RADX: variants seen among roughly 807,000 people sequenced by gnomAD.
The protein encoded by RADX is RPA1 related single stranded DNA binding protein, X-linked, also known as RPA-related protein RADX.
A neutral mutation model predicts 61.6 loss-of-function variants in RADX; 36 were observed. The ratio of observed to expected loss-of-function variants is 0.58; its 90% CI spans 0.45 to 0.77. The LOEUF is 0.77. RADX is among the 30% of genes least tolerant of loss of function. The probability of loss-of-function intolerance (pLI) is 0.00; values close to 1 mark genes in which losing one functional copy is unlikely to be tolerated. For missense variants in RADX, 497 were observed against 651.1 expected (o/e 0.76, Z 2.58); for synonymous variants, 272 against 237.9 (o/e 1.14, Z -1.32).
chrX:106,615,990 C>T (rs1214909469), intron 1 of RADX, among the ~76,000 whole-genome samples: 1 of 111,144 alleles, frequency 9.0e-6, no homozygotes, highest in African/African-American at 3.3e-5. Context: ...AGTTGGAAAG[C>T]TTGCCCGTCT....
chrX:106,657,701 G>T (rs1354982068), intron 11 of RADX, among the ~76,000 whole-genome samples: 2 of 111,278 alleles, frequency 1.8e-5, no homozygotes. Context: ...GATAGACAGG[G>T]AAATGGCCAG....
intron 3 of RADX, among the ~76,000 whole-genome samples, chrX:106,631,829 AAAG>A (rs1199821671): frequency 2.8e-5 from 3 of 107,387 alleles, no homozygotes; most frequent in Non-Finnish European, 5.7e-5. Context: ...GAAAGAAAGA[AAAG>A]AAAGAAAGAA....
chrX:106,617,758 A>G (rs952570962), intron 1 of RADX, among the ~76,000 whole-genome samples: 1 of 111,804 alleles, frequency 8.9e-6, no homozygotes. Flanking sequence ...AGTGCCAGTC[A>G]GAAAAATAAC....
rs767201552 is a variant in RADX, at chrX:106,612,067, G to A, written c.-14G>A. 1.0e-5 allele frequency: 12 copies of A among 1,193,508 alleles called. No individual in the cohort carries two copies. Among genetic ancestry groups the A allele is most frequent in the Non-Finnish European group, 1.4e-5 (12 of 886,855 alleles). ...TAGCTTTTGGGAGTGAAGCGGGTAC[G>A]CAGTTATCCAACAATGTCTGGTGAG... On this transcript the variant is annotated 5_prime_UTR_variant, in exon 1 of 14. Coordinates refer to ENST00000372548, the MANE Select transcript of RADX (RefSeq NM_018015.6).
At position 106,640,630 on chromosome X, in the gene RADX, G is replaced by A. The variant is rs1381658400; in HGVS notation, c.1813G>A (p.Glu605Lys). Residue 605 changes from glutamate (E) to lysine (K), a missense_variant, in exon 10 of 14, where the codon GAG becomes AAG. This residue lies in a region of RADX where 267 missense variants were observed against 306.9 expected (regional missense o/e 0.87). Transcript: ENST00000372548. ...ERNGKRHQDD[E>K]PVNSQYFQTT... is the part of the protein sequence containing the mutation. ...AAATGGTAAACGGCATCAAGATGAT[G>A]AGCCTGTGAATTCTCAGTATTTCCA... 8.4e-7 allele frequency: 1 copy of A among 1,194,194 alleles called. No homozygotes were observed. The highest frequency in any genetic ancestry group is 1.8e-5 in the South Asian group (1 of 55,540).
chrX:106,670,621 A>C, intron 13 of RADX, among the ~76,000 whole-genome samples: 1 of 108,679 alleles, frequency 9.2e-6, no homozygotes. Flanking sequence ...TTCATGACAT[A>C]GCATTAATAA....
chrX:106,629,871 A>G (rs1027329550), intron 3 of RADX, among the ~76,000 whole-genome samples: 7 of 112,145 alleles, frequency 6.2e-5, no homozygotes, highest in Non-Finnish European at 1.1e-4. Flanking sequence ...TTCCTCAGCA[A>G]TGCAAAATTG....
chrX:106,645,803 T>C (rs1326347416), intron 10 of RADX, among the ~76,000 whole-genome samples: 1 of 111,304 alleles, frequency 9.0e-6, no homozygotes, highest in African/African-American at 3.3e-5. Flanking sequence ...CAATATTTCT[T>C]TGTTGATTTT....
chrX:106,622,852 C>A, intron 2 of RADX, 59 bp downstream of exon 2: 1 of 662,524 alleles, frequency 1.5e-6, no homozygotes, highest in Non-Finnish European at 2.2e-6. Flanking sequence ...GCTTACACAC[C>A]TCACTCCATA....
In RADX at chrX:106,662,055, A is replaced by G. The variant is rs891568312; in HGVS notation, c.2019A>G (p.Arg673=). 6 of 1,208,900 alleles carry G rather than the reference A, an allele frequency of 5.0e-6. No individual in the cohort carries two copies. In the African/African-American group the frequency reaches 7.0e-5, roughly 14 times the overall value. The change falls in exon 12 of 14, where the codon AGA becomes AGG. Residue 673 remains arginine (R), a synonymous_variant. Coordinates refer to ENST00000372548, the MANE Select transcript of RADX (RefSeq NM_018015.6). ...ATGCTAATCTGCAAGGGAAAGCCAG[A>G]AAAACTATAAGTGATAGGTGGGAGA... ...NINANLQGKA[R]KTISDRWESQ...
intron 11 of RADX, among the ~76,000 whole-genome samples, chrX:106,655,109 G>A (rs1927904194): frequency 9.0e-6 from 1 of 110,914 alleles, no homozygotes; most frequent in Non-Finnish European, 1.9e-5. Context: ...AGGTTTTTCA[G>A]TACATATAAA....
Position 106,632,626 on chromosome X carries a change from A to T in RADX, c.981A>T (p.Glu327Asp), listed in dbSNP as rs1927261245. 2 of 1,164,862 alleles carry T rather than the reference A, an allele frequency of 1.7e-6. No individual in the cohort carries two copies. Among genetic ancestry groups the T allele is most frequent in the Non-Finnish European group, 2.3e-6 (2 of 858,661 alleles). The change falls in exon 4 of 14, where the codon GAA becomes GAT. Residue 327 changes from glutamate (E) to aspartate (D), a missense_variant and splice_region_variant. By Grantham distance (45) the Glu-to-Asp change is conservative. Around this residue, in one of 3 missense-constraint regions of RADX, gnomAD observed 196 missense variants for 315.0 expected, o/e 0.62. Transcript: ENST00000372548. ...DPQIKLISTM[E>D]ICLNLRDPPT... ...TAAAGTAATATATTTATTTTTCAGA[A>T]ATCTGCCTGAATCTTCGAGATCCCC...
chrX:106,620,446 G>A (rs1926918330), intron 1 of RADX, among the ~76,000 whole-genome samples: 1 of 111,000 alleles, frequency 9.0e-6, no homozygotes, highest in African/African-American at 3.3e-5. Context: ...TCTGAGGCAG[G>A]CGGATCACTT....
At chrX:106,672,776 A>G (rs921425695) in intron 13 of RADX, among the ~76,000 whole-genome samples, 1 of 111,835 alleles carries the variant, frequency 8.9e-6, no homozygotes, top group South Asian at 3.7e-4. Flanking sequence ...GCCAGTGACT[A>G]GAGTCAAAAA....
At chrX:106,659,597 G>A (rs938804726) in intron 11 of RADX, among the ~76,000 whole-genome samples, 10 of 110,881 alleles carry the variant, frequency 9.0e-5, no homozygotes, top group Admixed American at 6.7e-4. Context: ...AAAAAAACTA[G>A]TTCATGATTT....
chrX:106,645,140 T>C (rs1927625399), intron 10 of RADX, among the ~76,000 whole-genome samples: 1 of 111,226 alleles, frequency 9.0e-6, no homozygotes, highest in Non-Finnish European at 1.9e-5. Flanking sequence ...TAATTTAATT[T>C]ATTTGGATCC....
intron 1 of RADX, among the ~76,000 whole-genome samples, chrX:106,617,026 T>G (rs1422279040): frequency 1.1e-5 from 1 of 92,746 alleles, no homozygotes; most frequent in African/African-American, 4.1e-5. Flanking sequence ...GTGGGTTTTT[T>G]TTTTTTTTTT....
chrX:106,641,110 A>G (rs927850006), intron 10 of RADX, among the ~76,000 whole-genome samples: 3 of 109,742 alleles, frequency 2.7e-5, no homozygotes, highest in Non-Finnish European at 5.7e-5. Context: ...TAAGGATACC[A>G]CTCATATTGG....
Position 106,637,805 on chromosome X carries a change from T to G in RADX, c.1454T>G (p.Phe485Cys). 8.3e-7 allele frequency: 1 copy of G among 1,209,231 alleles called. No homozygotes were observed. Among genetic ancestry groups the G allele is most frequent in the South Asian group, 1.8e-5 (1 of 56,564 alleles). ...ACGTATGATGCCAAGGTAAAAAACT[T>G]TATTCAATGGATTAGAACAAAGTCT... Reference protein sequence around the residue: ...PYTYDAKVKNFIQWIRTKSDS... With the variant: ...PYTYDAKVKNCIQWIRTKSDS... The change falls in exon 8 of 14, where the codon TTT becomes TGT. Residue 485 changes from phenylalanine (F) to cysteine (C), a missense_variant. By Grantham distance (205) the Phe-to-Cys change is radical. This residue lies in a region of RADX where 267 missense variants were observed against 306.9 expected (regional missense o/e 0.87). Coordinates refer to ENST00000372548, the MANE Select transcript of RADX (RefSeq NM_018015.6).
Sources: gnomAD v4.1 joint callset for allele counts (sites outside exome capture counted in the v4.1 genomes callset) on GRCh38, gnomAD v4.1.1 for gene constraint, gnomAD v4.1.1 regional missense constraint, MANE v1.5 for transcripts, NCBI Gene and HGNC (gene_info 2026-07-23, HGNC 2026-07-21) for gene names.